Variants in MYO18A observed in about 807,000 individuals in gnomAD.
MYO18A encodes unconventional myosin-XVIIIa.
In MYO18A, 78 loss-of-function variants were observed where a neutral mutation model predicts 235.8. The ratio of observed to expected loss-of-function variants is 0.33; its 90% CI spans 0.28 to 0.40. The LOEUF (loss-of-function observed/expected upper bound fraction) is 0.40. Among genes scored for constraint, MYO18A ranks in the 10% least tolerant of loss-of-function variants. The pLI is 1.00. For synonymous variants in MYO18A, 977 were observed against 1,077.8 expected, an observed-to-expected ratio of 0.91 and a Z score of 1.83; for missense variants, 2,215 against 2,699.3, an observed-to-expected ratio of 0.82 and a Z score of 3.98.
At chr17:29,153,662 CCT>C (rs908242931) in intron 2 of MYO18A, among the ~76,000 whole-genome samples, 1 of 151,824 alleles carries the variant, frequency 6.6e-6, no homozygotes, top group Non-Finnish European at 1.5e-5. Flanking sequence ...TGCCTAGGGC[CCT>C]CTCTCTCTCT....
chr17:29,115,390 T>C lies in MYO18A; in HGVS notation c.2279A>G (p.Tyr760Cys). Reference sequence around the variant, plus strand: ...GACGAGAAGGGTGAAGAGCTCGCTGTAGAGGCCGGCCGCCATGCCCTCAAG... The same window carrying C: ...GACGAGAAGGGTGAAGAGCTCGCTGCAGAGGCCGGCCGCCATGCCCTCAAG... ...ECLEGMAAGL[Y>C]SELFTLLVSL... The change falls in exon 13 of 42, where the codon TAC (tyrosine) becomes TGC (cysteine). Residue 760 changes from tyrosine (Y) to cysteine (C), a missense_variant. By Grantham distance (194) the Tyr-to-Cys change is radical. Coordinates refer to ENST00000527372, the MANE Select transcript of MYO18A (RefSeq NM_078471.4). 1 of 1,613,894 alleles carries C rather than the reference T, an allele frequency of 6.2e-7. No individual in the cohort carries two copies. Among genetic ancestry groups the C allele is most frequent in the Non-Finnish European group, 8.5e-7 (1 of 1,179,852 alleles).
rs1157724468 is a variant in MYO18A, at chr17:29,074,594, C to T, written c.*176G>A. ...ACTCCTCTTTCCCCCACCTCTTCCA[C>T]GTGGAGACATCAGACACCCATAGCC... On this transcript the variant is annotated 3_prime_UTR_variant, in exon 42 of 42. Transcript: ENST00000527372. The surrounding 1 kb of genome is among the most constrained non-coding windows in gnomAD (Gnocchi z 4.4). 3.0e-6 allele frequency: 2 copies of T among 663,474 alleles called. No individual in the cohort carries two copies. The highest frequency in any genetic ancestry group is 5.2e-6 in the Non-Finnish European group (2 of 381,866). The allele number at this position is 663,474 out of a possible 1,614,324, so 41.1% of individuals were successfully genotyped here. A position where few individuals can be genotyped will look rare whatever the true frequency, so the allele number is the denominator to read the frequency against.
In MYO18A at chr17:29,086,550, C is replaced by T; in HGVS notation, c.5740G>A (p.Ala1914Thr). ...LEMDLESLEA[A>T]NQSLQADLKL... ...AGGTCAGCCTGCAGGCTCTGGTTAG[C>T]AGCCTCCAGGCTTTCTAGATCCATC... Residue 1914 changes from alanine (A) to threonine (T), a missense_variant, in exon 39 of 42, where the codon GCT becomes ACT. Ala to Thr is a moderately conservative substitution (Grantham distance 58, BLOSUM62 0). Coordinates refer to ENST00000527372, the MANE Select transcript of MYO18A (RefSeq NM_078471.4). 5.6e-6 allele frequency: 9 copies of T among 1,613,178 alleles called. No individual in the cohort carries two copies. The highest frequency in any genetic ancestry group is 1.7e-4 in the Middle Eastern group (1 of 5,998).
At chr17:29,113,215 G>A (rs529822636) in intron 15 of MYO18A, among the ~76,000 whole-genome samples, 116 of 152,338 alleles carry the variant, frequency 7.6e-4, no homozygotes, top group African/African-American at 2.5e-3. Context: ...TCACTCTTTC[G>A]CAGCCCCACC....
chr17:29,145,837 C>G lies in MYO18A; in HGVS notation c.999+20105G>C, dbSNP rs942113176. On this transcript the variant is annotated intron_variant, in intron 2 of 41. Transcript: ENST00000527372. ...GGAAGTTCAGAGGCAAAGATCTGTTCCAGTTACGGTATTAAGTAGACAGCT... is the reference window on the plus strand; with the variant it reads ...GGAAGTTCAGAGGCAAAGATCTGTTGCAGTTACGGTATTAAGTAGACAGCT... Among the ~76,000 whole-genome samples, 3 of 152,150 alleles carry G rather than the reference C, an allele frequency of 2.0e-5. No individual in the cohort carries two copies. The East Asian group carries it at 5.8e-4, about 29-fold the overall frequency.
chr17:29,177,014 C>T (rs1962503578), intron 1 of MYO18A, among the ~76,000 whole-genome samples: 1 of 152,232 alleles, frequency 6.6e-6, no homozygotes, highest in South Asian at 2.1e-4. Flanking sequence ...CCCTGCTGCT[C>T]TTCCAGGTGC....
intron 1 of MYO18A, 40 bp from the exon 2 acceptor site, chr17:29,167,061 A>G (rs2068301971): frequency 7.2e-7 from 1 of 1,382,310 alleles, no homozygotes; most frequent in Non-Finnish European, 9.5e-7. Flanking sequence ...TTATTCGAAC[A>G]GAGCCTCATG....
chr17:29,170,237 G>A (rs1369025287), intron 1 of MYO18A, among the ~76,000 whole-genome samples: 2 of 152,270 alleles, frequency 1.3e-5, no homozygotes, highest in African/African-American at 4.8e-5. Context: ...ATGAGGCTGT[G>A]CCAGCCCTTC....
At position 29,158,173 on chromosome 17, in the gene MYO18A, T is replaced by C. The variant is rs966889441; in HGVS notation, c.999+7769A>G. Among the ~76,000 whole-genome samples the C allele has an allele frequency of 1.3e-5, 2 of 152,088 alleles. No individual in the cohort carries two copies. The highest frequency in any genetic ancestry group is 4.8e-5 in the African/African-American group (2 of 41,384). On this transcript the variant is annotated intron_variant, in intron 2 of 41. Transcript: ENST00000527372. The surrounding 1 kb of genome is among the most constrained non-coding windows in gnomAD (Gnocchi z 4.3). ...TATGCACCATACTGAGCGCCACAGA[T>C]AACACCCGGCGAACACCCGGCAAAC...
intron 2 of MYO18A, among the ~76,000 whole-genome samples, chr17:29,157,285 C>T (rs539032554): frequency 6.6e-6 from 1 of 152,334 alleles, no homozygotes; most frequent in East Asian, 1.9e-4. Flanking sequence ...GGCTCACTTC[C>T]TCTGGCTAAC....
At position 29,106,899 on chromosome 17, in the gene MYO18A, G is replaced by A. The variant is rs1298543757; in HGVS notation, c.3441+181C>T. 6.6e-6 allele frequency among the ~76,000 whole-genome samples: 1 copy of A among 152,182 alleles called. No homozygotes were observed. Among genetic ancestry groups the A allele is most frequent in the Non-Finnish European group, 1.5e-5 (1 of 68,030 alleles). ...CCCCAGCTCAGGCCTCCAAGGAGGG[G>A]GTGGCTCTTCTCCAGCTCCTATGGT... is the stretch of plus-strand genomic sequence containing the variant. On this transcript the variant is annotated intron_variant, in intron 20 of 41. Coordinates refer to ENST00000527372, the MANE Select transcript of MYO18A (RefSeq NM_078471.4). This position sits in a 1 kb window ranked among gnomAD's most constrained non-coding sequence, Gnocchi z 4.6.
intron 1 of MYO18A, among the ~76,000 whole-genome samples, chr17:29,169,663 G>A (rs2068358414): frequency 6.6e-6 from 1 of 152,132 alleles, no homozygotes; most frequent in Non-Finnish European, 1.5e-5. Flanking sequence ...TGGTTTAGAA[G>A]ATAACTCCAG....
intron 1 of MYO18A, among the ~76,000 whole-genome samples, chr17:29,179,560 C>T (rs945991529): frequency 6.6e-6 from 1 of 152,164 alleles, no homozygotes; most frequent in African/African-American, 2.4e-5. Context: ...GGCGGGGCGT[C>T]GGGGCGGTCT....
In MYO18A at chr17:29,126,899, T is replaced by C. The variant is rs1567615783; in HGVS notation, c.1000-4646A>G. ...TTCTGGGAAGATAGGGTTGCCCCTATATCCCAAGGGGCCCACTGTACCCAT... is the reference window on the plus strand; with the variant it reads ...TTCTGGGAAGATAGGGTTGCCCCTACATCCCAAGGGGCCCACTGTACCCAT... On this transcript the variant is annotated intron_variant, in intron 2 of 41. Coordinates refer to ENST00000527372, the MANE Select transcript of MYO18A (RefSeq NM_078471.4). This position sits in a 1 kb window ranked among gnomAD's most constrained non-coding sequence, Gnocchi z 4.1. Among the ~76,000 whole-genome samples the C allele has an allele frequency of 6.6e-6, 1 of 152,186 alleles. No individual in the cohort carries two copies. The highest frequency in any genetic ancestry group is 6.5e-5 in the Admixed American group (1 of 15,284).
chr17:29,146,120 T>G (rs1222453537), intron 2 of MYO18A, among the ~76,000 whole-genome samples: 1 of 152,022 alleles, frequency 6.6e-6, no homozygotes, highest in Non-Finnish European at 1.5e-5. Context: ...TAGCCAGGCG[T>G]GGTGGCATGT....
Position 29,141,460 on chromosome 17 carries a change from G to C in MYO18A, c.1000-19207C>G, listed in dbSNP as rs2067738391. The stretch of plus-strand genomic sequence containing the variant: ...AGGAAAAAAAAAAAATGGGGTGGGG[G>C]TGGTGCTAGGAAGCCCTGATACAGA... On this transcript the variant is annotated intron_variant, in intron 2 of 41. Coordinates refer to ENST00000527372, the MANE Select transcript of MYO18A (RefSeq NM_078471.4). 3.3e-5 allele frequency among the ~76,000 whole-genome samples: 5 copies of C among 151,858 alleles called. No homozygotes were observed. The South Asian group carries it at 1.0e-3, about 32-fold the overall frequency.
chr17:29,103,786 G>T, intron 20 of MYO18A, 122 bp from the exon 21 acceptor site: 2 of 882,916 alleles, frequency 2.3e-6, no homozygotes, highest in African/African-American at 1.7e-5. Flanking sequence ...ATGCACTTGC[G>T]TGGGCTTCCT....
At chr17:29,114,143 G>T in intron 14 of MYO18A, 46 bp from the exon 15 acceptor site, 2 of 1,452,690 alleles carry the variant, frequency 1.4e-6, no homozygotes, top group African/African-American at 1.4e-5. Flanking sequence ...GTCACATTGT[G>T]GGGAACAGCC....
chr17:29,163,187 G>A (rs1403623285), intron 2 of MYO18A, among the ~76,000 whole-genome samples: 1 of 152,214 alleles, frequency 6.6e-6, no homozygotes, highest in African/African-American at 2.4e-5. Flanking sequence ...TTCTCTTGGC[G>A]CATAACTGGG....
Sources: gnomAD v4.1 joint callset for allele counts (sites outside exome capture counted in the v4.1 genomes callset) on GRCh38, gnomAD v4.1.1 for gene constraint, Gnocchi (gnomAD v3.1) non-coding constraint, MANE v1.5 for transcripts, NCBI Gene and HGNC (gene_info 2026-07-23, HGNC 2026-07-21) for gene names.